The following UACA variants were observed in gnomAD, a reference collection of about 807,000 sequenced individuals.
The protein encoded by UACA is nuclear membrane binding protein.
Under a neutral mutation model 160.5 loss-of-function variants are expected in UACA, and 112 were observed. The ratio of observed to expected loss-of-function variants is 0.70; its 90% CI spans 0.60 to 0.82. The LOEUF (loss-of-function observed/expected upper bound fraction) is 0.82, where lower values mean the gene tolerates loss of function less well. Among genes scored for constraint, UACA ranks in the 40% least tolerant of loss-of-function variants. The probability of loss-of-function intolerance (pLI) is 0.00; values close to 1 mark genes in which losing one functional copy is unlikely to be tolerated. For synonymous variants in UACA, 557 were observed against 568.4 expected (o/e 0.98, Z 0.29); for missense variants, 1,574 against 1,614.6 (o/e 0.97, Z 0.43).
chr15:70,756,572 C>A (rs1218801046), intron 1 of UACA, among the ~76,000 whole-genome samples: 1 of 152,042 alleles, frequency 6.6e-6, no homozygotes, highest in Admixed American at 6.6e-5. Flanking sequence ...CAAAATATTT[C>A]TTTGAAAGAT....
At chr15:70,704,541 C>T (rs1898470318) in intron 1 of UACA, among the ~76,000 whole-genome samples, 1 of 152,208 alleles carries the variant, frequency 6.6e-6, no homozygotes, top group African/African-American at 2.4e-5. Context: ...TTTTGCCTGA[C>T]TCAAAAGTCT....
intron 17 of UACA, among the ~76,000 whole-genome samples, chr15:70,664,394 AG>A (rs1049826145): frequency 3.3e-5 from 5 of 152,134 alleles, no homozygotes; most frequent in Admixed American, 6.6e-5. Flanking sequence ...AATTAAATGG[AG>A]GGAATAAATC....
rs1341759990 is a variant in UACA at position 70,695,127 on chromosome 15, G to A, written c.213-22C>T. The A allele has an allele frequency of 1.9e-6, 3 of 1,553,818 alleles. No homozygotes were observed. In the African/African-American group the frequency reaches 4.1e-5, roughly 21 times the overall value. ...GAAGCTAAACAAAAAAAAAATATTT[G>A]TTGTGCTAAGGAAACAACCAAAGGT... is the stretch of plus-strand genomic sequence containing the variant. On this transcript the variant is annotated intron_variant, in intron 2 of 18. Transcript: ENST00000322954.
chr15:70,676,384 C>T (rs1469859398), intron 13 of UACA, 109 bp downstream of exon 13: 4 of 833,782 alleles, frequency 4.8e-6, no homozygotes, highest in Non-Finnish European at 7.3e-6. Context: ...AATAAGCAGC[C>T]CAAGGTCACA....
At chr15:70,748,586 A>C (rs147893112) in intron 1 of UACA, among the ~76,000 whole-genome samples, 48 of 152,272 alleles carry the variant, frequency 3.2e-4, no homozygotes, top group African/African-American at 1.1e-3. Flanking sequence ...CTGCAGTCAC[A>C]TGCCTGCACA....
At chr15:70,752,931 A>AAC in intron 1 of UACA, among the ~76,000 whole-genome samples, 1 of 152,356 alleles carries the variant, frequency 6.6e-6, no homozygotes, top group Middle Eastern at 3.4e-3. Flanking sequence ...ATAATGCAAC[A>AAC]AATTAGAGGC....
chr15:70,740,637 C>CAAA (rs10536483), intron 1 of UACA, among the ~76,000 whole-genome samples: 1 of 84,026 alleles, frequency 1.2e-5, no homozygotes, highest in Non-Finnish European at 2.5e-5. Flanking sequence ...GACCCTGTCT[C>CAAA]AAAAAAAAAA....
intron 1 of UACA, among the ~76,000 whole-genome samples, chr15:70,751,542 A>G (rs2141011966): frequency 6.6e-6 from 1 of 152,336 alleles, no homozygotes; most frequent in East Asian, 1.9e-4. Flanking sequence ...TTTAATGCTC[A>G]CAACTACTCT....
intron 1 of UACA, among the ~76,000 whole-genome samples, chr15:70,721,544 G>A (rs901499982): frequency 4.6e-5 from 7 of 151,526 alleles, no homozygotes; most frequent in African/African-American, 7.3e-5. Flanking sequence ...GGAGAATGGC[G>A]TGAACCCAGG....
At chr15:70,720,340 C>G (rs192777375) in intron 1 of UACA, among the ~76,000 whole-genome samples, 9 of 152,274 alleles carry the variant, frequency 5.9e-5, no homozygotes, top group Admixed American at 5.9e-4. Flanking sequence ...CAGTGTCTTG[C>G]TTTGTTGCCC....
chr15:70,753,021 A>G (rs2030184732), intron 1 of UACA, among the ~76,000 whole-genome samples: 1 of 152,242 alleles, frequency 6.6e-6, no homozygotes, highest in African/African-American at 2.4e-5. Flanking sequence ...AAAATTAAAT[A>G]CATGAAACAA....
chr15:70,712,254 C>T (rs1398653041), intron 1 of UACA, among the ~76,000 whole-genome samples: 1 of 151,956 alleles, frequency 6.6e-6, no homozygotes, highest in Admixed American at 6.5e-5. Context: ...ATCTTGACAC[C>T]TTCCTTTCCT....
intron 3 of UACA, among the ~76,000 whole-genome samples, chr15:70,693,653 T>C (rs1898020332): frequency 1.3e-5 from 2 of 151,892 alleles, no homozygotes; most frequent in Admixed American, 1.3e-4. Context: ...CTGCTGAGCT[T>C]GGGGAAGCAT....
At position 70,687,649 on chromosome 15, in the gene UACA, A is replaced by G. The variant is rs749151794; in HGVS notation, c.496-3T>C. 4 of 1,613,730 alleles carry G rather than the reference A, an allele frequency of 2.5e-6. No homozygotes were observed. In the Admixed American group the frequency reaches 6.7e-5, roughly 27 times the overall value. Reference sequence around the variant, plus strand: ...AGAACAAGTGGTGTCCGCCCGTCCTAAGCAACAGGAAAAATAAAACAGCAT... The same window carrying G: ...AGAACAAGTGGTGTCCGCCCGTCCTGAGCAACAGGAAAAATAAAACAGCAT... On this transcript the variant is annotated splice_polypyrimidine_tract_variant and splice_region_variant and intron_variant, in intron 6 of 18. Transcript: ENST00000322954.
intron 17 of UACA, among the ~76,000 whole-genome samples, chr15:70,662,538 G>C (rs923424151): frequency 2.6e-5 from 4 of 152,130 alleles, no homozygotes; most frequent in African/African-American, 4.8e-5. Context: ...AACCAAAAAA[G>C]AGCCTGCATC....
At chr15:70,659,971 G>A (rs761646767) in intron 18 of UACA, among the ~76,000 whole-genome samples, 180 bp downstream of exon 18, 1 of 151,952 alleles carries the variant, frequency 6.6e-6, no homozygotes, top group Non-Finnish European at 1.5e-5. Flanking sequence ...TTGCCATATA[G>A]CTTTGTAAAT....
chr15:70,671,217 A>C (rs1897127929), intron 14 of UACA, 126 bp from the exon 15 acceptor site: 1 of 571,162 alleles, frequency 1.8e-6, no homozygotes, highest in Non-Finnish European at 3.0e-6. Context: ...ACACAAAAGT[A>C]TCCTCATTCT....
At chr15:70,717,422 T>C (rs1051854155) in intron 1 of UACA, among the ~76,000 whole-genome samples, 2 of 152,192 alleles carry the variant, frequency 1.3e-5, no homozygotes, top group African/African-American at 4.8e-5. Context: ...TTGCAGGCCA[T>C]GTGGTTTCTG....
the UACA span, among the ~76,000 whole-genome samples, chr15:70,775,348 G>C: frequency 6.6e-6 from 1 of 152,158 alleles, no homozygotes; most frequent in Non-Finnish European, 1.5e-5. Context: ...CAGCTCTTGT[G>C]AGTCAGTTCC....
Sources: allele counts gnomAD v4.1 joint callset (sites outside exome capture counted in the v4.1 genomes callset), GRCh38; gene constraint gnomAD v4.1.1; transcripts MANE v1.5; gene names NCBI Gene and HGNC (gene_info 2026-07-23, HGNC 2026-07-21).